The following CAPN7 variants were observed in gnomAD, a reference collection of about 807,000 sequenced individuals.
CAPN7 encodes calpain 7.
CAPN7 carries 72 observed loss-of-function variants against 115.2 expected under a neutral mutation model. The observed-to-expected ratio is 0.63, with a 90% CI of 0.52 to 0.76. The LOEUF is 0.76. CAPN7 is among the 30% of genes least tolerant of loss of function. The probability of loss-of-function intolerance (pLI) is 0.00; values close to 1 mark genes in which losing one functional copy is unlikely to be tolerated. For missense variants in CAPN7, 905 were observed against 971.5 expected (o/e 0.93, Z 0.91); for synonymous variants, 344 against 322.3 (o/e 1.07, Z -0.72).
rs200354056 is a variant in CAPN7, at chr3:15,234,985, G to A, written c.1287-40G>A. The A allele has an allele frequency of 7.0e-4, 1,092 of 1,567,604 alleles. 5 individuals are homozygous for A. Among genetic ancestry groups the A allele is most frequent in the Middle Eastern group, 6.5e-3 (38 of 5,848 alleles). On this transcript the variant is annotated intron_variant, in intron 11 of 20. Transcript: ENST00000253693. ...AATGGTGTGATCTTAGATTACAAATGTGTTTTACTTTAATTAATTGTCTTT... is the reference window on the plus strand; with the variant it reads ...AATGGTGTGATCTTAGATTACAAATATGTTTTACTTTAATTAATTGTCTTT...
intron 19 of CAPN7, among the ~76,000 whole-genome samples, chr3:15,247,996 A>G (rs953484968): frequency 4.0e-5 from 6 of 149,786 alleles, no homozygotes; most frequent in African/African-American, 1.5e-4. Flanking sequence ...GGACACAGGA[A>G]GGGGAATATC....
chr3:15,221,041 A>G, intron 5 of CAPN7, 60 bp downstream of exon 5: 3 of 1,335,228 alleles, frequency 2.2e-6, no homozygotes, highest in Non-Finnish European at 3.2e-6. Flanking sequence ...GCAGAATTTT[A>G]TTTTCATTAG....
At chr3:15,228,914 T>C in intron 7 of CAPN7, 60 bp from the exon 8 acceptor site, 1 of 1,246,702 alleles carries the variant, frequency 8.0e-7, no homozygotes, top group East Asian at 2.3e-5. Context: ...TGTACGTATA[T>C]TGCGGTAATG....
intron 9 of CAPN7, 119 bp from the exon 10 acceptor site, chr3:15,232,400 A>G: frequency 1.4e-6 from 1 of 701,196 alleles, no homozygotes; most frequent in Non-Finnish European, 2.3e-6. Context: ...TTACCTTAAT[A>G]GCCGTCAGCA....
At chr3:15,243,148 A>AG (rs1695451914) in intron 16 of CAPN7, among the ~76,000 whole-genome samples, 1 of 152,230 alleles carries the variant, frequency 6.6e-6, no homozygotes, top group Admixed American at 6.5e-5. Context: ...AAAGCATTAC[A>AG]GGCAGAGGGA....
rs1370031060 is a variant in CAPN7 at position 15,246,565 on chromosome 3, AC to A, written c.2011-163del. 1.5e-4 allele frequency: 87 copies of A among 589,622 alleles called. 1 individual carries two copies. In the East Asian group the frequency reaches 2.4e-3, roughly 16 times the overall value. 36.5% of individuals were successfully genotyped at this position (589,622 alleles called of 1,614,324 possible). A position where few individuals can be genotyped will look rare whatever the true frequency, so the allele number is the denominator to read the frequency against. ...TACTAGCAGAGAAAGCCAAGACCAG[AC>A]CCCTAGCTTCTCAGTTCCCAGCTCA... On this transcript the variant is annotated intron_variant, in intron 17 of 20. Transcript: ENST00000253693.
chr3:15,219,952 A>G (rs1332973354), intron 4 of CAPN7, among the ~76,000 whole-genome samples: 1 of 152,162 alleles, frequency 6.6e-6, no homozygotes, highest in Non-Finnish European at 1.5e-5. Flanking sequence ...TGTAATCCCA[A>G]CACTTTGGGA....
At chr3:15,223,399 A>T (rs2124926786) in intron 5 of CAPN7, 76 bp from the exon 6 acceptor site, 1 of 907,448 alleles carries the variant, frequency 1.1e-6, no homozygotes, top group African/African-American at 1.6e-5. Context: ...CTTGTCATTT[A>T]AATTTTAAAG....
chr3:15,249,164 G>T (rs866310716), intron 19 of CAPN7, among the ~76,000 whole-genome samples: 7 of 152,048 alleles, frequency 4.6e-5, no homozygotes, highest in African/African-American at 1.4e-4. Flanking sequence ...TTTTCCACAA[G>T]AAAGTCATTT....
In CAPN7 at chr3:15,206,361, C is replaced by T. The variant is rs1447010321; in HGVS notation, c.-135C>T. The T allele has an allele frequency of 1.4e-5, 9 of 642,400 alleles. No homozygotes were observed. Among genetic ancestry groups the T allele is most frequent in the Admixed American group, 2.7e-5 (1 of 36,866 alleles). 39.8% of individuals were successfully genotyped at this position (642,400 alleles called of 1,614,324 possible). Reference sequence around the variant, plus strand: ...CGGCAACGGGAAGGCGAGCTCTCCTCCACCGTCCAAAGTAAACTTTGCCGC... The same window carrying T: ...CGGCAACGGGAAGGCGAGCTCTCCTTCACCGTCCAAAGTAAACTTTGCCGC... On this transcript the variant is annotated 5_prime_UTR_variant, in exon 1 of 21. Coordinates refer to ENST00000253693, the MANE Select transcript of CAPN7 (RefSeq NM_014296.3).
At chr3:15,227,409 G>T (rs1694385257) in intron 6 of CAPN7, among the ~76,000 whole-genome samples, 1 of 152,148 alleles carries the variant, frequency 6.6e-6, no homozygotes, top group African/African-American at 2.4e-5. Flanking sequence ...CTGGCACATG[G>T]TTAGTATTCA....
chr3:15,232,996 T>TATCCA (rs1694780451), intron 10 of CAPN7, among the ~76,000 whole-genome samples: 1 of 152,196 alleles, frequency 6.6e-6, no homozygotes, highest in Non-Finnish European at 1.5e-5. Context: ...TTACTTGTTT[T>TATCCA]ATCCAGTCTT....
intron 10 of CAPN7, among the ~76,000 whole-genome samples, chr3:15,233,537 T>C (rs1295527647): frequency 1.3e-5 from 2 of 152,240 alleles, no homozygotes; most frequent in Non-Finnish European, 2.9e-5. Context: ...ATGTAAAACA[T>C]GAGGAACATC....
chr3:15,250,986 C>T lies in CAPN7; in HGVS notation c.2260C>T (p.Pro754Ser). The T allele has an allele frequency of 6.2e-7, 1 of 1,613,424 alleles. No homozygotes were observed. Residue 754 changes from proline (P) to serine (S), a missense_variant, in exon 20 of 21, where the codon CCC (proline) becomes TCC (serine). By Grantham distance (74) the Pro-to-Ser change is moderately conservative. Around this residue, in one of 3 missense-constraint regions of CAPN7, gnomAD observed 620 missense variants for 703.4 expected, o/e 0.88. Coordinates refer to ENST00000253693, the MANE Select transcript of CAPN7 (RefSeq NM_014296.3). ...VTVSTLGDPG[P>S]HGFLRKSSGD... The stretch of plus-strand genomic sequence containing the variant: ...AGTTTCTACTCTAGGAGATCCTGGT[C>T]CCCATGGCTTTCTGAGGAAATCTAG...
At chr3:15,237,073 C>G (rs1695035017) in intron 12 of CAPN7, among the ~76,000 whole-genome samples, 1 of 152,176 alleles carries the variant, frequency 6.6e-6, no homozygotes, top group African/African-American at 2.4e-5. Flanking sequence ...TTCTGATTAA[C>G]CCATTACCAT....
Position 15,241,473 on chromosome 3 carries a change from G to C in CAPN7, c.1673G>C (p.Gly558Ala). The C allele has an allele frequency of 1.2e-6, 2 of 1,613,920 alleles. No individual in the cohort carries two copies. Among genetic ancestry groups the C allele is most frequent in the Non-Finnish European group, 1.7e-6 (2 of 1,179,938 alleles). ...TTTAGTACTTGGGATGCTAAGCAAG[G>C]ACCTGTGAAAGATGCCTATAGCCTG... ...CIHSTWDAKQ[G>A]PVKDAYSLAN... Residue 558 changes from glycine (G) to alanine (A), a missense_variant, in exon 15 of 21, where the codon GGA becomes GCA. Physicochemically the swap from Gly to Ala is moderately conservative, Grantham distance 60 (BLOSUM62 0). Coordinates refer to ENST00000253693, the MANE Select transcript of CAPN7 (RefSeq NM_014296.3).
At chr3:15,211,018 C>T (rs1575153489) in intron 1 of CAPN7, 2 of 840,394 alleles carry the variant, frequency 2.4e-6, no homozygotes, top group Non-Finnish European at 2.9e-6. Flanking sequence ...ACACCACCTT[C>T]TAGCCATAGC....
chr3:15,235,071 A>G lies in CAPN7; in HGVS notation c.1333A>G (p.Thr445Ala), dbSNP rs1426446915. 1 of 1,613,674 alleles carries G rather than the reference A, an allele frequency of 6.2e-7. No homozygotes were observed. The change falls in exon 12 of 21, where the codon ACA (threonine) becomes GCA (alanine). Residue 445 changes from threonine to alanine, a missense_variant. Thr to Ala is a moderately conservative substitution (Grantham distance 58, BLOSUM62 0). Transcript: ENST00000253693. ...CATCACTGCGTCAACTGGAATGATGACAGAAGCTGAAGGAGAGAAGTGGGG... is the reference window on the plus strand; with the variant it reads ...CATCACTGCGTCAACTGGAATGATGGCAGAAGCTGAAGGAGAGAAGTGGGG... ...VLITASTGMMTEAEGEKWGLV... is the reference protein window; with the variant it reads ...VLITASTGMMAEAEGEKWGLV...
chr3:15,216,539 C>T (rs761860334), intron 2 of CAPN7, among the ~76,000 whole-genome samples: 10 of 151,952 alleles, frequency 6.6e-5, no homozygotes, highest in African/African-American at 1.2e-4. Flanking sequence ...CTTATAGATA[C>T]GTATTTTTTT....
Sources: gnomAD v4.1 joint callset for allele counts (sites outside exome capture counted in the v4.1 genomes callset) on GRCh38, gnomAD v4.1.1 for gene constraint, gnomAD v4.1.1 regional missense constraint, MANE v1.5 for transcripts, NCBI Gene and HGNC (gene_info 2026-07-23, HGNC 2026-07-21) for gene names.